Variants in CUX1 observed in about 807,000 individuals in gnomAD.
CUX1 encodes cut like homeobox 1, also known as protein CASP.
CUX1 carries 31 observed loss-of-function variants against 158.8 expected under a neutral mutation model. The ratio of observed to expected loss-of-function variants is 0.20; its 90% CI spans 0.15 to 0.26. The LOEUF (loss-of-function observed/expected upper bound fraction) is 0.26. Ranked by LOEUF, CUX1 falls within the 10% of genes least tolerant of loss-of-function variation. CUX1 has a pLI of 1.00. For synonymous variants in CUX1, 879 were observed against 862.1 expected (o/e 1.02, Z -0.34); for missense variants, 1,589 against 2,014.6 (o/e 0.79, Z 4.04).
At chr7:102,223,973 AAAAAG>A (rs1382940150) in intron 20 of CUX1, among the ~76,000 whole-genome samples, 3 of 152,162 alleles carry the variant, frequency 2.0e-5, no homozygotes, top group Non-Finnish European at 4.4e-5. Flanking sequence ...CAAAAAAGAG[AAAAAG>A]AAAAGAATGA....
intron 2 of CUX1, among the ~76,000 whole-genome samples, chr7:101,954,824 C>G (rs1367509597): frequency 6.6e-6 from 1 of 152,156 alleles, no homozygotes; most frequent in African/African-American, 2.4e-5. Context: ...TCCACTTTGC[C>G]TGGCTGAGGA....
At chr7:102,229,391 G>T (rs1187119798) in intron 21 of CUX1, among the ~76,000 whole-genome samples, 1 of 150,728 alleles carries the variant, frequency 6.6e-6, no homozygotes, top group African/African-American at 2.4e-5. Context: ...CAGCCTCTCG[G>T]CTCACTGAAT....
rs58332486 is a variant in CUX1, at chr7:101,943,078, CTTTTTTTTTTTTTTTT to C, written c.141+26863_141+26878del. ...ACTTTCCTCTCCATCCTGGTCAGTG[CTTTTTTTTTTTTTTTT>C]TTTTTTTTTACTTTTTCTTTTTCTG... is the stretch of plus-strand genomic sequence containing the variant. On this transcript the variant is annotated intron_variant, in intron 2 of 23. Transcript: ENST00000292535. Among the ~76,000 whole-genome samples the C allele has an allele frequency of 1.6e-4, 13 of 80,328 alleles. No individual in the cohort carries two copies. The South Asian group carries it at 6.5e-3, about 40-fold the overall frequency. 52.7% of individuals were successfully genotyped at this position (80,328 alleles called of 152,430 possible).
intron 2 of CUX1, among the ~76,000 whole-genome samples, chr7:101,941,883 C>G (rs1807760418): frequency 6.6e-6 from 1 of 152,178 alleles, no homozygotes; most frequent in Non-Finnish European, 1.5e-5. Context: ...AGAAACTGCT[C>G]AGAACAAGTT....
At chr7:102,268,177 C>T (rs148634936) in intron 14 of CUX1, among the ~76,000 whole-genome samples, 168 of 152,248 alleles carry the variant, frequency 1.1e-3, no homozygotes, top group Non-Finnish European at 1.8e-3. Context: ...GCCTGTCATC[C>T]CTCTCTCCCC....
chr7:102,189,760 C>A, intron 11 of CUX1, 53 bp from the exon 12 acceptor site: 1 of 1,594,008 alleles, frequency 6.3e-7, no homozygotes, highest in South Asian at 1.1e-5. Context: ...TCGGTGAAGT[C>A]CGTCGACCTG....
chr7:101,999,920 T>C (rs1436037340), intron 2 of CUX1, among the ~76,000 whole-genome samples: 2 of 152,104 alleles, frequency 1.3e-5, no homozygotes, highest in Admixed American at 1.3e-4. Context: ...ATGTGTGTTC[T>C]AAAGAGACCC....
chr7:102,264,759 A>T (rs1317963886), intron 14 of CUX1: 1 of 152,576 alleles, frequency 6.6e-6, no homozygotes, highest in Non-Finnish European at 1.5e-5. Flanking sequence ...ACCACGTGGG[A>T]TCGATTTCTT....
At chr7:102,229,228 C>T (rs1554529748) in intron 21 of CUX1, among the ~76,000 whole-genome samples, 1 of 151,890 alleles carries the variant, frequency 6.6e-6, no homozygotes. Flanking sequence ...GGGTGCTCGG[C>T]CTGGGTTGGT....
At chr7:102,278,188 C>T in intron 18 of CUX1, 1 of 586,276 alleles carries the variant, frequency 1.7e-6, no homozygotes, top group Non-Finnish European at 2.9e-6. Context: ...CCCAGAGACC[C>T]CTGAGGCCTT....
At chr7:102,016,270 T>G (rs1300313980) in intron 2 of CUX1, among the ~76,000 whole-genome samples, 13 of 152,170 alleles carry the variant, frequency 8.5e-5, no homozygotes, top group Non-Finnish European at 1.9e-4. Flanking sequence ...TAAACTCCCT[T>G]CGCTCCACAT....
intron 2 of CUX1, among the ~76,000 whole-genome samples, chr7:101,973,876 C>A (rs960895876): frequency 4.7e-5 from 7 of 150,462 alleles, no homozygotes; most frequent in Non-Finnish European, 8.8e-5. Flanking sequence ...TCAAGAGATT[C>A]TCCTACCTCA....
rs1801406505 is a variant in CUX1 at position 102,250,610 on chromosome 7, G to A, written c.*1568G>A. On this transcript the variant is annotated 3_prime_UTR_variant, in exon 24 of 24. Coordinates refer to ENST00000292535, the MANE Select transcript of CUX1 (RefSeq NM_181552.4). ...AAATGGCCCAAACTCACACCAAAAC[G>A]TGGATGCTCTTCAACTTCCAAACCT... 2 of 985,358 alleles carry A rather than the reference G, an allele frequency of 2.0e-6. No homozygotes were observed. Among genetic ancestry groups the A allele is most frequent in the Non-Finnish European group, 2.4e-6 (2 of 829,924 alleles). 61.0% of individuals were successfully genotyped at this position (985,358 alleles called of 1,614,324 possible).
At chr7:101,911,498 C>T (rs934379538) in intron 1 of CUX1, among the ~76,000 whole-genome samples, 6 of 152,212 alleles carry the variant, frequency 3.9e-5, no homozygotes, top group Admixed American at 1.3e-4. Flanking sequence ...TGACCTGAGC[C>T]GTGGCCTTGG....
chr7:102,189,789 G>C, intron 11 of CUX1, 24 bp from the exon 12 acceptor site: 1 of 1,613,924 alleles, frequency 6.2e-7, no homozygotes, highest in Middle Eastern at 1.7e-4. Context: ...CATGGCCACT[G>C]ATCAAATTCT....
intron 2 of CUX1, among the ~76,000 whole-genome samples, chr7:101,950,332 A>G (rs1350501524): frequency 6.6e-6 from 1 of 152,204 alleles, no homozygotes; most frequent in Non-Finnish European, 1.5e-5. Context: ...ATTTTATGAT[A>G]TAAGAAAATT....
At chr7:102,223,436 C>T (rs191991290) in intron 20 of CUX1, among the ~76,000 whole-genome samples, 1 of 152,082 alleles carries the variant, frequency 6.6e-6, no homozygotes, top group African/African-American at 2.4e-5. Flanking sequence ...ATACATTTGA[C>T]CAGGTGCAGT....
intron 2 of CUX1, among the ~76,000 whole-genome samples, chr7:101,996,132 G>C (rs1815850091): frequency 6.6e-6 from 1 of 151,980 alleles, no homozygotes; most frequent in Admixed American, 6.6e-5. Context: ...AAGAGAGAGA[G>C]ATGCAGGACC....
intron 8 of CUX1, among the ~76,000 whole-genome samples, chr7:102,120,504 T>C (rs1272902390): frequency 6.6e-6 from 1 of 152,242 alleles, no homozygotes; most frequent in Admixed American, 6.5e-5. Context: ...TCCTAGCCTA[T>C]ATGCTTTTTT....
Sources: allele counts gnomAD v4.1 joint callset (sites outside exome capture counted in the v4.1 genomes callset), GRCh38; gene constraint gnomAD v4.1.1; transcripts MANE v1.5; gene names NCBI Gene and HGNC (gene_info 2026-07-23, HGNC 2026-07-21).